Variants in PRDM16 observed in about 807,000 individuals in gnomAD.
The protein encoded by PRDM16 is PR/SET domain 16, also known as histone-lysine N-methyltransferase PRDM16.
PRDM16 carries 23 observed loss-of-function variants against 110.6 expected under a neutral mutation model. The ratio of observed to expected loss-of-function variants is 0.21; its 90% CI spans 0.15 to 0.29. PRDM16 has a LOEUF of 0.29. PRDM16 is among the 10% of genes least tolerant of loss of function. The pLI is 1.00. For synonymous variants in PRDM16, 799 were observed against 781.8 expected (o/e 1.02, Z -0.37); for missense variants, 1,615 against 1,794.3 (o/e 0.90, Z 1.81).
chr1:3,205,402 A>G (rs1007598979), intron 2 of PRDM16, among the ~76,000 whole-genome samples: 3 of 152,196 alleles, frequency 2.0e-5, no homozygotes, highest in Admixed American at 6.5e-5. Flanking sequence ...GGCCAGCTGC[A>G]TAGGAAAGAA....
At chr1:3,375,285 C>A (rs990878938) in intron 3 of PRDM16, among the ~76,000 whole-genome samples, 1 of 152,244 alleles carries the variant, frequency 6.6e-6, no homozygotes, top group Non-Finnish European at 1.5e-5. Context: ...GTCCACCCAC[C>A]GGCTGCCGAG....
chr1:3,364,945 A>G (rs895106499), intron 3 of PRDM16, among the ~76,000 whole-genome samples: 3 of 152,092 alleles, frequency 2.0e-5, no homozygotes, highest in African/African-American at 4.8e-5. Flanking sequence ...GCCGTCCCTC[A>G]TTCCCTCGTG....
intron 1 of PRDM16, among the ~76,000 whole-genome samples, chr1:3,104,939 G>A (rs1642618996): frequency 6.6e-6 from 1 of 152,176 alleles, no homozygotes; most frequent in Admixed American, 6.5e-5. Flanking sequence ...CAAGGACAGG[G>A]CTCTTGCAGG....
intron 1 of PRDM16, among the ~76,000 whole-genome samples, chr1:3,094,382 A>G (rs1642347904): frequency 6.6e-6 from 1 of 152,214 alleles, no homozygotes; most frequent in South Asian, 2.1e-4. Flanking sequence ...ATCACCCTGC[A>G]GAGACGTGGG....
intron 2 of PRDM16, among the ~76,000 whole-genome samples, chr1:3,203,431 G>A (rs886686794): frequency 7.9e-5 from 12 of 152,258 alleles, no homozygotes; most frequent in Non-Finnish European, 1.3e-4. Context: ...TTATGAGCCC[G>A]TATTAGGGCC....
chr1:3,323,934 C>T (rs1302614818), intron 3 of PRDM16, among the ~76,000 whole-genome samples: 5 of 152,284 alleles, frequency 3.3e-5, no homozygotes, highest in East Asian at 3.9e-4. Context: ...GGGCAGCGGA[C>T]GGGGCTGGTG....
At chr1:3,407,367 C>G (rs759489549) in intron 8 of PRDM16, among the ~76,000 whole-genome samples, 1 of 152,210 alleles carries the variant, frequency 6.6e-6, no homozygotes, top group Admixed American at 6.5e-5. Flanking sequence ...CTCTGCCTGC[C>G]GGCCGTTCCA....
At chr1:3,433,633 G>A (rs371045068) in intron 16 of PRDM16, 44 bp from the exon 17 acceptor site, 23 of 1,585,606 alleles carry the variant, frequency 1.5e-5, no homozygotes, top group African/African-American at 6.7e-5. Flanking sequence ...CTGCCCACGC[G>A]CTCACCTGCC....
In PRDM16 at chr1:3,073,653, G is replaced by A. The variant is rs570293524; in HGVS notation, c.37+4357G>A. On this transcript the variant is annotated intron_variant, in intron 1 of 16. Coordinates refer to ENST00000270722, the MANE Select transcript of PRDM16 (RefSeq NM_022114.4). The stretch of plus-strand genomic sequence containing the variant: ...CCGAGGGCTGCAGACGGCGTGGGCC[G>A]GGTCGGGGAGCGGGGCCTGGGGGAC... Among the ~76,000 whole-genome samples the A allele has an allele frequency of 5.7e-4, 87 of 152,218 alleles. No homozygotes were observed. The East Asian group carries it at 0.016, about 27-fold the overall frequency.
At chr1:3,323,041 C>T (rs546147930) in intron 3 of PRDM16, among the ~76,000 whole-genome samples, 43 of 152,294 alleles carry the variant, frequency 2.8e-4, no homozygotes, top group Non-Finnish European at 4.7e-4. Flanking sequence ...CGTGCTTCTG[C>T]GACACCCGAG....
At chr1:3,091,167 G>A (rs980118891) in intron 1 of PRDM16, among the ~76,000 whole-genome samples, 1 of 152,192 alleles carries the variant, frequency 6.6e-6, no homozygotes, top group Non-Finnish European at 1.5e-5. Flanking sequence ...CCTGTCCCAA[G>A]GAGCCACCGA....
At position 3,409,792 on chromosome 1, in the gene PRDM16, GGGT is replaced by G. The variant is rs1643642096; in HGVS notation, c.1187-1590_1187-1588del. ...GTGGTTGTGTGTGGGTGTGTGGTGTGGGTGTGTGTGGTGTATGTGTGCATGTGT... is the reference window on the plus strand; with the variant it reads ...GTGGTTGTGTGTGGGTGTGTGGTGTGGTGTGTGGTGTATGTGTGCATGTGT... On this transcript the variant is annotated intron_variant, in intron 8 of 16. Coordinates refer to ENST00000270722, the MANE Select transcript of PRDM16 (RefSeq NM_022114.4). Among the ~76,000 whole-genome samples the G allele has an allele frequency of 5.6e-5, 8 of 143,132 alleles. No homozygotes were observed. In the South Asian group the frequency reaches 1.3e-3, roughly 24 times the overall value. 93.9% of individuals were successfully genotyped at this position (143,132 alleles called of 152,430 possible). A position where few individuals can be genotyped will look rare whatever the true frequency, so the allele number is the denominator to read the frequency against.
At chr1:3,223,184 A>G (rs1361449130) in intron 2 of PRDM16, among the ~76,000 whole-genome samples, 5 of 133,194 alleles carry the variant, frequency 3.8e-5, no homozygotes, top group African/African-American at 1.5e-4. Context: ...ATCTTGGCTC[A>G]CTGCAACCTC....
intron 3 of PRDM16, among the ~76,000 whole-genome samples, chr1:3,287,232 G>A (rs377014547): frequency 6.6e-6 from 1 of 151,750 alleles, no homozygotes; most frequent in African/African-American, 2.4e-5. Context: ...TCCCAGCCAC[G>A]CGGGCATCCA....
intron 1 of PRDM16, among the ~76,000 whole-genome samples, chr1:3,127,565 T>C (rs887275984): frequency 3.3e-5 from 5 of 152,254 alleles, no homozygotes; most frequent in African/African-American, 1.2e-4. Flanking sequence ...ACCTGGTTTC[T>C]GGTTTCATTT....
intron 1 of PRDM16, among the ~76,000 whole-genome samples, chr1:3,125,295 G>A (rs896069311): frequency 1.3e-5 from 2 of 152,274 alleles, no homozygotes; most frequent in Admixed American, 6.5e-5. Flanking sequence ...GGCTGGAGAG[G>A]CCTCAGAGCT....
intron 3 of PRDM16, among the ~76,000 whole-genome samples, chr1:3,341,600 C>T (rs150250351): frequency 8.5e-5 from 13 of 152,316 alleles, no homozygotes; most frequent in Admixed American, 5.9e-4. Flanking sequence ...CCCTAACTTA[C>T]GATCGCTCAA....
chr1:3,314,076 G>GT (rs1352771147), intron 3 of PRDM16, among the ~76,000 whole-genome samples: 2 of 151,296 alleles, frequency 1.3e-5, no homozygotes, highest in African/African-American at 2.5e-5. Flanking sequence ...CCCACCGGGG[G>GT]GGGGGGCGGG....
At chr1:3,273,712 G>A (rs1483454402) in intron 3 of PRDM16, among the ~76,000 whole-genome samples, 1 of 151,928 alleles carries the variant, frequency 6.6e-6, no homozygotes, top group Non-Finnish European at 1.5e-5. Context: ...GTGCATGGGT[G>A]AGCATGTAAG....
Sources: gnomAD v4.1 joint callset for allele counts (sites outside exome capture counted in the v4.1 genomes callset) on GRCh38, gnomAD v4.1.1 for gene constraint, MANE v1.5 for transcripts, NCBI Gene and HGNC (gene_info 2026-07-23, HGNC 2026-07-21) for gene names.